The following GABPB1 variants were observed in gnomAD, a reference collection of about 807,000 sequenced individuals.
GABPB1 encodes GA binding protein transcription factor subunit beta 1, also known as GA-binding protein subunit beta-1.
A neutral mutation model predicts 45.9 loss-of-function variants in GABPB1; 15 were observed. The ratio of observed to expected loss-of-function variants is 0.33; its 90% CI spans 0.22 to 0.50. GABPB1 has a LOEUF of 0.50. GABPB1 is among the 20% of genes least tolerant of loss of function. The probability of loss-of-function intolerance (pLI) is 0.98; values close to 1 mark genes in which losing one functional copy is unlikely to be tolerated. For missense variants in GABPB1, 252 were observed against 457.5 expected (o/e 0.55, Z 4.10); for synonymous variants, 143 against 154.4 (o/e 0.93, Z 0.55).
chr15:50,300,444 T>TTTTTC (rs2046696052), intron 6 of GABPB1, among the ~76,000 whole-genome samples: 1 of 121,308 alleles, frequency 8.2e-6, no homozygotes, highest in African/African-American at 2.9e-5. Context: ...TGGTTTTTTT[T>TTTTTC]TTTTTTTTTT....
chr15:50,303,225 T>C, intron 3 of GABPB1, 102 bp from the exon 4 acceptor site: 1 of 884,666 alleles, frequency 1.1e-6, no homozygotes, highest in Non-Finnish European at 1.7e-6. Flanking sequence ...GAACAAATAA[T>C]GTAGTCAATT....
chr15:50,331,148 C>A (rs1275072913), intron 1 of GABPB1, among the ~76,000 whole-genome samples: 1 of 152,168 alleles, frequency 6.6e-6, no homozygotes, highest in Non-Finnish European at 1.5e-5. Context: ...CCATATGCAT[C>A]TTGAAAGAAG....
At chr15:50,334,051 GA>G (rs1225986654) in intron 1 of GABPB1, among the ~76,000 whole-genome samples, 1 of 149,544 alleles carries the variant, frequency 6.7e-6, no homozygotes, top group East Asian at 1.9e-4. Context: ...AAAAGAAAAA[GA>G]AAAAAAGAAA....
At position 50,277,464 on chromosome 15, in the gene GABPB1, G is replaced by A. The variant is rs533043607; in HGVS notation, c.*1168C>T. On this transcript the variant is annotated 3_prime_UTR_variant, in exon 9 of 9. Transcript: ENST00000380877. ...AAAAAAAAGAAAAAGTGAACAGTCTGCCAGTGTTTAATGTCCATACATTGT... is the reference window on the plus strand; with the variant it reads ...AAAAAAAAGAAAAAGTGAACAGTCTACCAGTGTTTAATGTCCATACATTGT... 1 of 151,732 alleles carries A rather than the reference G, an allele frequency of 6.6e-6. No homozygotes were observed. Among genetic ancestry groups the A allele is most frequent in the Admixed American group, 6.6e-5 (1 of 15,256 alleles). 9.4% of individuals were successfully genotyped at this position (151,732 alleles called of 1,614,324 possible).
Position 50,317,055 on chromosome 15 carries a change from T to C in GABPB1, c.1-7257A>G, listed in dbSNP as rs546218860. 3.5e-4 allele frequency among the ~76,000 whole-genome samples: 53 copies of C among 152,134 alleles called. No homozygotes were observed. In the South Asian group the frequency reaches 7.2e-3, roughly 21 times the overall value. On this transcript the variant is annotated intron_variant, in intron 1 of 8. Coordinates refer to ENST00000380877, the MANE Select transcript of GABPB1 (RefSeq NM_016654.5). ...AATATTTACAAACAGTATGTAACAG[T>C]TTAAGAATCAGGACTCTAAGTTGTA...
At chr15:50,344,683 A>G (rs2048499882) in intron 1 of GABPB1, among the ~76,000 whole-genome samples, 1 of 152,054 alleles carries the variant, frequency 6.6e-6, no homozygotes, top group Non-Finnish European at 1.5e-5. Context: ...TACTAAAAAT[A>G]CAAAATTAGC....
chr15:50,313,774 T>C (rs1021604653), intron 1 of GABPB1, among the ~76,000 whole-genome samples: 3 of 152,104 alleles, frequency 2.0e-5, no homozygotes, highest in African/African-American at 7.2e-5. Context: ...TATTAACAAT[T>C]GTTTAGGATG....
chr15:50,291,350 ACT>A (rs1437676266), intron 6 of GABPB1, among the ~76,000 whole-genome samples: 2 of 150,910 alleles, frequency 1.3e-5, no homozygotes, highest in African/African-American at 2.4e-5. Context: ...ACGAAATCTC[ACT>A]CTGTCACCCA....
chr15:50,327,109 T>C (rs1043001331), intron 1 of GABPB1: 1 of 152,012 alleles, frequency 6.6e-6, no homozygotes, highest in East Asian at 1.9e-4. Context: ...AGAGTGCAAG[T>C]AGAAGATAAA....
intron 1 of GABPB1, among the ~76,000 whole-genome samples, chr15:50,330,308 A>AT (rs2047905598): frequency 1.3e-5 from 2 of 151,872 alleles, no homozygotes; most frequent in Non-Finnish European, 2.9e-5. Context: ...CTGCATAGAG[A>AT]TTTTTCTCAT....
intron 6 of GABPB1, among the ~76,000 whole-genome samples, chr15:50,300,429 GTTTTTGGTTTTTTTTT>G (rs1199610240): frequency 2.5e-4 from 18 of 72,174 alleles, no homozygotes; most frequent in African/African-American, 8.2e-4. Flanking sequence ...ATCTGCAACT[GTTTTTGGTTTTTTTTT>G]TTTTTTTTTT....
At chr15:50,342,088 G>A (rs917714044) in intron 1 of GABPB1, among the ~76,000 whole-genome samples, 10 of 152,112 alleles carry the variant, frequency 6.6e-5, no homozygotes, top group South Asian at 4.1e-4. Context: ...AGCCTAAGAC[G>A]TCTTCCCCTC....
chr15:50,291,917 CAAAAA>C (rs1369368939), intron 6 of GABPB1, among the ~76,000 whole-genome samples: 1 of 83,418 alleles, frequency 1.2e-5, no homozygotes, highest in Non-Finnish European at 2.7e-5. Context: ...GACTCTGTCT[CAAAAA>C]AAAAAAAAAA....
intron 2 of GABPB1, among the ~76,000 whole-genome samples, chr15:50,307,155 C>T (rs2046977769): frequency 6.6e-6 from 1 of 152,094 alleles, no homozygotes; most frequent in Non-Finnish European, 1.5e-5. Context: ...TCTTCCATAA[C>T]GATTATACCA....
At position 50,292,771 on chromosome 15, in the gene GABPB1, A is replaced by G. The variant is rs146568802; in HGVS notation, c.698-3103T>C. On this transcript the variant is annotated intron_variant, in intron 6 of 8. Coordinates refer to ENST00000380877, the MANE Select transcript of GABPB1 (RefSeq NM_016654.5). ...GGCCATCCTTATTCTTGAGAGATAC[A>G]TGCCAAAGTAAAGGTGAAGTATCAT... 3.5e-3 allele frequency among the ~76,000 whole-genome samples: 532 copies of G among 152,294 alleles called. 7 individuals are homozygous for G. Among genetic ancestry groups the G allele is most frequent in the African/African-American group, 0.012 (508 of 41,560 alleles).
At chr15:50,316,246 A>G (rs890891054) in intron 1 of GABPB1, among the ~76,000 whole-genome samples, 1 of 152,242 alleles carries the variant, frequency 6.6e-6, no homozygotes, top group Admixed American at 6.5e-5. Context: ...CAAGATGGCC[A>G]TCTAGTGGTA....
intron 1 of GABPB1, among the ~76,000 whole-genome samples, chr15:50,348,380 G>A (rs910021864): frequency 6.6e-6 from 1 of 151,646 alleles, no homozygotes; most frequent in Non-Finnish European, 1.5e-5. Context: ...TCGGCCTCCC[G>A]AGTAGCCGAG....
intron 1 of GABPB1, chr15:50,354,107 C>G (rs1215746160): frequency 3.3e-6 from 1 of 301,156 alleles, no homozygotes; most frequent in Non-Finnish European, 6.5e-6. Flanking sequence ...TCACGATGCA[C>G]CCTTGAGGCT....
chr15:50,317,232 C>G (rs1009873494), intron 1 of GABPB1, among the ~76,000 whole-genome samples: 1 of 151,618 alleles, frequency 6.6e-6, no homozygotes, highest in Non-Finnish European at 1.5e-5. Flanking sequence ...CCCACCTTTA[C>G]TAAAAATAAA....
Sources: gnomAD v4.1 joint callset for allele counts (sites outside exome capture counted in the v4.1 genomes callset) on GRCh38, gnomAD v4.1.1 for gene constraint, MANE v1.5 for transcripts, NCBI Gene and HGNC (gene_info 2026-07-23, HGNC 2026-07-21) for gene names.